The following ARHGEF3 variants were observed in gnomAD, a reference collection of about 807,000 sequenced individuals.
ARHGEF3 encodes 59.8 kDA protein.
ARHGEF3 carries 28 observed loss-of-function variants against 63.2 expected under a neutral mutation model. That is an observed-to-expected ratio of 0.44 (90% CI 0.33 to 0.61). ARHGEF3 has a LOEUF of 0.61. ARHGEF3 is among the 20% of genes least tolerant of loss of function. The probability of loss-of-function intolerance (pLI) is 0.03; values close to 1 mark genes in which losing one functional copy is unlikely to be tolerated. For synonymous variants in ARHGEF3, 266 were observed against 254.2 expected (o/e 1.05, Z -0.44); for missense variants, 533 against 659.3 (o/e 0.81, Z 2.10).
Position 56,728,291 on chromosome 3 carries a change from C to T in ARHGEF3, c.*979G>A, listed in dbSNP as rs1162101261. 1 of 152,676 alleles carries T rather than the reference C, an allele frequency of 6.5e-6. No homozygotes were observed. The highest frequency in any genetic ancestry group is 1.9e-4 in the East Asian group (1 of 5,198). 9.5% of individuals were successfully genotyped at this position (152,676 alleles called of 1,614,324 possible). On this transcript the variant is annotated 3_prime_UTR_variant, in exon 10 of 10. Transcript: ENST00000296315. ...AGAAGGCACTGGACCATGCTTTTCTCTCAATGGCTCCCACAGAAGGTTCTG... is the reference window on the plus strand; with the variant it reads ...AGAAGGCACTGGACCATGCTTTTCTTTCAATGGCTCCCACAGAAGGTTCTG...
intron 3 of ARHGEF3, among the ~76,000 whole-genome samples, chr3:56,938,310 C>T (rs1699003255): frequency 6.6e-6 from 1 of 151,914 alleles, no homozygotes; most frequent in Non-Finnish European, 1.5e-5. Flanking sequence ...ATAGGGCAGC[C>T]CATTTTAAAA....
At chr3:56,918,338 G>C (rs575444808) in intron 3 of ARHGEF3, among the ~76,000 whole-genome samples, 21 of 152,326 alleles carry the variant, frequency 1.4e-4, no homozygotes, top group African/African-American at 5.1e-4. Flanking sequence ...GAGACGACCA[G>C]GGCATTGTAC....
chr3:56,965,174 G>A (rs939110233), intron 2 of ARHGEF3, among the ~76,000 whole-genome samples: 5 of 152,144 alleles, frequency 3.3e-5, no homozygotes, highest in South Asian at 2.1e-4. Flanking sequence ...AGGACTGCTT[G>A]AGCCTAGGAG....
intron 2 of ARHGEF3, among the ~76,000 whole-genome samples, chr3:56,992,841 T>A (rs1423452921): frequency 6.6e-6 from 1 of 152,176 alleles, no homozygotes; most frequent in African/African-American, 2.4e-5. Flanking sequence ...ATTTTATTTT[T>A]TATTTTTTTG....
At chr3:57,008,106 G>A (rs1384875287) in intron 2 of ARHGEF3, among the ~76,000 whole-genome samples, 3 of 152,126 alleles carry the variant, frequency 2.0e-5, no homozygotes, top group South Asian at 2.1e-4. Context: ...TATATTAACC[G>A]TGTAGATCCT....
intron 2 of ARHGEF3, among the ~76,000 whole-genome samples, chr3:56,998,907 T>C (rs1172282818): frequency 2.6e-5 from 4 of 152,204 alleles, no homozygotes; most frequent in African/African-American, 9.6e-5. Context: ...CACAGTGTTT[T>C]ATGTACACTC....
At chr3:56,929,336 G>A (rs999702613) in intron 3 of ARHGEF3, among the ~76,000 whole-genome samples, 4 of 152,274 alleles carry the variant, frequency 2.6e-5, no homozygotes, top group East Asian at 1.9e-4. Flanking sequence ...AAGAAGGGAC[G>A]GTTTACATGC....
At chr3:57,035,626 G>A (rs557579718) in intron 1 of ARHGEF3, among the ~76,000 whole-genome samples, 19 of 152,376 alleles carry the variant, frequency 1.2e-4, no homozygotes, top group African/African-American at 4.6e-4. Context: ...TGGGATTACA[G>A]GCGTAAGCCA....
At chr3:56,954,764 C>T (rs1426645679) in intron 3 of ARHGEF3, among the ~76,000 whole-genome samples, 1 of 152,188 alleles carries the variant, frequency 6.6e-6, no homozygotes, top group East Asian at 1.9e-4. Flanking sequence ...GGCTAAACCA[C>T]TTGGTAAGGA....
At chr3:56,748,773 T>C (rs1179480599) in intron 6 of ARHGEF3, among the ~76,000 whole-genome samples, 1 of 152,118 alleles carries the variant, frequency 6.6e-6, no homozygotes, top group African/African-American at 2.4e-5. Flanking sequence ...GGGACACTGA[T>C]TCTCAGTAAC....
At chr3:57,058,087 G>A (rs912182953) in intron 1 of ARHGEF3, among the ~76,000 whole-genome samples, 1 of 152,192 alleles carries the variant, frequency 6.6e-6, no homozygotes, top group African/African-American at 2.4e-5. Flanking sequence ...AAAGCCGACT[G>A]TAAAGGAAGG....
intron 1 of ARHGEF3, among the ~76,000 whole-genome samples, chr3:57,056,386 A>AAC (rs1704938101): frequency 6.7e-6 from 1 of 148,292 alleles, no homozygotes; most frequent in Admixed American, 6.7e-5. Context: ...GACTCCATCA[A>AAC]AAAAAAAAAA....
At chr3:56,881,069 T>C (rs1305530431) in intron 4 of ARHGEF3, among the ~76,000 whole-genome samples, 2 of 152,222 alleles carry the variant, frequency 1.3e-5, no homozygotes, top group Non-Finnish European at 2.9e-5. Flanking sequence ...AATAATGTTA[T>C]CAGTTGAGTA....
intron 1 of ARHGEF3, among the ~76,000 whole-genome samples, chr3:57,066,300 C>T (rs1288232990): frequency 1.3e-5 from 2 of 151,162 alleles, no homozygotes; most frequent in African/African-American, 4.9e-5. Context: ...CAGAGTCTGA[C>T]TCTGTCACCC....
At chr3:56,944,406 T>C (rs1386690866) in intron 3 of ARHGEF3, among the ~76,000 whole-genome samples, 9 of 151,948 alleles carry the variant, frequency 5.9e-5, no homozygotes, top group Non-Finnish European at 2.9e-5. Flanking sequence ...CATTGAGGGG[T>C]TTAAGACTTC....
intron 3 of ARHGEF3, among the ~76,000 whole-genome samples, chr3:56,923,073 T>TAA (rs2042190822): frequency 3.1e-5 from 3 of 95,612 alleles, no homozygotes; most frequent in Non-Finnish European, 6.7e-5. Flanking sequence ...TATATATATA[T>TAA]ATAAATTAGT....
chr3:57,004,682 A>G (rs1702401291), intron 2 of ARHGEF3, among the ~76,000 whole-genome samples: 1 of 152,240 alleles, frequency 6.6e-6, no homozygotes. Context: ...ATAATAGTTT[A>G]TGCAGCCGGC....
intron 1 of ARHGEF3, among the ~76,000 whole-genome samples, chr3:56,797,882 A>G (rs1009113751): frequency 3.9e-5 from 6 of 152,202 alleles, no homozygotes; most frequent in Admixed American, 3.9e-4. Context: ...ACAAAGGTAA[A>G]CACCCTTAGG....
intron 1 of ARHGEF3, among the ~76,000 whole-genome samples, chr3:56,784,561 G>A (rs931912921): frequency 6.6e-6 from 1 of 152,158 alleles, no homozygotes; most frequent in African/African-American, 2.4e-5. Context: ...ACCTTTGGGT[G>A]GAATATATGT....
Sources: allele counts gnomAD v4.1 joint callset (sites outside exome capture counted in the v4.1 genomes callset), GRCh38; gene constraint gnomAD v4.1.1; transcripts MANE v1.5; gene names NCBI Gene and HGNC (gene_info 2026-07-23, HGNC 2026-07-21).